CFAP44: variants seen among roughly 807,000 people sequenced by gnomAD.
CFAP44 encodes the protein cilia- and flagella-associated protein 44.
A neutral mutation model predicts 216.2 loss-of-function variants in CFAP44; 134 were observed. The ratio of observed to expected loss-of-function variants is 0.62; its 90% confidence interval spans 0.54 to 0.72. CFAP44 has a LOEUF of 0.72. Among genes scored for constraint, CFAP44 ranks in the 30% least tolerant of loss-of-function variants. The pLI, the probability that CFAP44 is intolerant of heterozygous loss-of-function variation, is 0.00. For synonymous variants in CFAP44, 700 were observed against 727.6 expected (o/e 0.96, Z 0.61); for missense variants, 2,035 against 2,182.1 (o/e 0.93, Z 1.34).
chr3:113,344,749 T>C (rs746729585), intron 22 of CFAP44, 37 bp from the exon 23 acceptor site: 16 of 1,450,092 alleles, frequency 1.1e-5, no homozygotes, highest in Non-Finnish European at 1.8e-6. Context: ...GTAGTCACCA[T>C]TTTGATCATT....
At chr3:113,421,851 A>C (rs955226174) in intron 4 of CFAP44, among the ~76,000 whole-genome samples, 2 of 136,536 alleles carry the variant, frequency 1.5e-5, no homozygotes, top group African/African-American at 5.3e-5. Flanking sequence ...GGAGGGAGGG[A>C]GGGGGCACGG....
At chr3:113,399,837 C>T in intron 13 of CFAP44, 69 bp downstream of exon 13, 1 of 1,053,368 alleles carries the variant, frequency 9.5e-7, no homozygotes, top group Non-Finnish European at 1.3e-6. Flanking sequence ...ATCTATATTT[C>T]CAGAAAATAG....
Position 113,344,624 on chromosome 3 carries a change from A to C in CFAP44, c.3154T>G (p.Ser1052Ala). The C allele has an allele frequency of 1.3e-6, 2 of 1,537,076 alleles. No homozygotes were observed. The highest frequency in any genetic ancestry group is 2.4e-5 in the South Asian group (2 of 84,022). The change falls in exon 23 of 35, where the codon TCT (serine) becomes GCT (alanine). Residue 1052 changes from serine to alanine, a missense_variant. By Grantham distance (99) the Ser-to-Ala change is moderately conservative. Around this residue, in one of 3 missense-constraint regions of CFAP44, gnomAD observed 1,883 missense variants for 2,023.7 expected, o/e 0.93. Coordinates refer to ENST00000393845, the MANE Select transcript of CFAP44 (RefSeq NM_001164496.2). Reference sequence around the variant, plus strand: ...GCTCGTTTGAATTTGGAGTACTTAGAGGGCTGCACCAGCCTGTAAGAGGAT... The same window carrying C: ...GCTCGTTTGAATTTGGAGTACTTAGCGGGCTGCACCAGCCTGTAAGAGGAT... ...KISSYRLVQP[S>A]KYSKFKRASQ...
rs78851289 is a variant in CFAP44 at position 113,424,896 on chromosome 3, C to T, written c.407+1228G>A. ...CCTGGAGCAGTGAGAAGGCAGTGCA[C>T]TGCCAAACCAACTCGGAGTTTCTTC... On this transcript the variant is annotated intron_variant, in intron 4 of 34. Transcript: ENST00000393845. 2.9e-3 allele frequency among the ~76,000 whole-genome samples: 449 copies of T among 152,310 alleles called. 9 individuals are homozygous for T. The East Asian group carries it at 0.033, about 11-fold the overall frequency.
At chr3:113,430,322 G>A (rs1935069945) in intron 2 of CFAP44, among the ~76,000 whole-genome samples, 1 of 150,752 alleles carries the variant, frequency 6.6e-6, no homozygotes, top group African/African-American at 2.4e-5. Flanking sequence ...AGCTAAAGCA[G>A]TCCTTGGAAG....
At chr3:113,336,994 G>A (rs368520320) in intron 24 of CFAP44, among the ~76,000 whole-genome samples, 2 of 151,458 alleles carry the variant, frequency 1.3e-5, no homozygotes, top group African/African-American at 4.8e-5. Context: ...AAGGAAATAA[G>A]ATGCAAACAG....
intron 32 of CFAP44, among the ~76,000 whole-genome samples, chr3:113,300,225 G>A (rs1006112551): frequency 7.0e-6 from 1 of 142,606 alleles, no homozygotes; most frequent in East Asian, 1.9e-4. Context: ...GGATAGTGGA[G>A]GTGGGGGATG....
At chr3:113,382,732 T>C (rs1933547998) in intron 15 of CFAP44, among the ~76,000 whole-genome samples, 1 of 152,208 alleles carries the variant, frequency 6.6e-6, no homozygotes, top group Non-Finnish European at 1.5e-5. Flanking sequence ...GCTTCTCTAC[T>C]GCAAAAGAGG....
intron 16 of CFAP44, among the ~76,000 whole-genome samples, chr3:113,380,500 A>T (rs6438142): frequency 0.24 from 36,773 of 151,646 alleles, 4,630 homozygotes; most frequent in East Asian, 0.41. Context: ...GTGCAATCAC[A>T]GCTCACTGCA....
intron 31 of CFAP44, 73 bp downstream of exon 31, chr3:113,304,962 GA>G (rs1172296294): frequency 1.5e-6 from 2 of 1,337,110 alleles, no homozygotes; most frequent in East Asian, 2.5e-5. Flanking sequence ...AGTGAACTAT[GA>G]ATCTTTCTCT....
At chr3:113,387,685 T>C (rs1559932318) in intron 15 of CFAP44, among the ~76,000 whole-genome samples, 3 of 151,888 alleles carry the variant, frequency 2.0e-5, no homozygotes, top group Admixed American at 1.3e-4. Context: ...GTCAAGGGTA[T>C]TTTGTCTTGC....
At chr3:113,329,579 T>A (rs1402245837) in intron 26 of CFAP44, among the ~76,000 whole-genome samples, 1 of 151,910 alleles carries the variant, frequency 6.6e-6, no homozygotes, top group African/African-American at 2.4e-5. Flanking sequence ...CAGCAGAGAG[T>A]TATCTATCCA....
chr3:113,310,285 T>C (rs899145512), intron 28 of CFAP44, among the ~76,000 whole-genome samples: 14 of 152,186 alleles, frequency 9.2e-5, no homozygotes, highest in Non-Finnish European at 1.8e-4. Flanking sequence ...AGAACATTAA[T>C]AGAGAATCAG....
chr3:113,422,383 G>T (rs914436054), intron 4 of CFAP44, among the ~76,000 whole-genome samples: 5 of 152,070 alleles, frequency 3.3e-5, no homozygotes, highest in African/African-American at 9.7e-5. Context: ...AAAAAGAGAA[G>T]ATTTACATTA....
At chr3:113,292,179 C>T (rs962780228) in intron 34 of CFAP44, among the ~76,000 whole-genome samples, 3 of 151,854 alleles carry the variant, frequency 2.0e-5, no homozygotes, top group African/African-American at 7.3e-5. Context: ...CCTTCTTTGC[C>T]CCATGGACTA....
intron 28 of CFAP44, among the ~76,000 whole-genome samples, chr3:113,325,576 C>G (rs1416900040): frequency 6.6e-6 from 1 of 151,894 alleles, no homozygotes; most frequent in East Asian, 2.0e-4. Flanking sequence ...TCCCTAGTAG[C>G]TCGGACTACG....
intron 13 of CFAP44, among the ~76,000 whole-genome samples, chr3:113,398,524 C>A (rs2107357441): frequency 6.6e-6 from 1 of 152,250 alleles, no homozygotes; most frequent in East Asian, 1.9e-4. Context: ...TCTGAATAAA[C>A]AATTCAATTA....
At chr3:113,382,564 G>T (rs566861045) in intron 15 of CFAP44, among the ~76,000 whole-genome samples, 15 of 151,958 alleles carry the variant, frequency 9.9e-5, no homozygotes, top group Non-Finnish European at 1.9e-4. Context: ...GGAGAAACAG[G>T]AACATATTTA....
At chr3:113,375,306 C>G (rs1453239324) in intron 17 of CFAP44, among the ~76,000 whole-genome samples, 1 of 152,152 alleles carries the variant, frequency 6.6e-6, no homozygotes, top group Non-Finnish European at 1.5e-5. Context: ...CTGAGCTGTA[C>G]ACTTAAAAAT....
Sources: gnomAD v4.1 joint callset for allele counts (sites outside exome capture counted in the v4.1 genomes callset) on GRCh38, gnomAD v4.1.1 for gene constraint, gnomAD v4.1.1 regional missense constraint, MANE v1.5 for transcripts, NCBI Gene and HGNC (gene_info 2026-07-23, HGNC 2026-07-21) for gene names.